Variants in SNX29 observed in about 807,000 individuals in gnomAD.
The protein encoded by SNX29 is sorting nexin 29.
SNX29 carries 78 observed loss-of-function variants against 102.1 expected under a neutral mutation model. The observed-to-expected ratio is 0.76, with a 90% CI of 0.64 to 0.92. The LOEUF (loss-of-function observed/expected upper bound fraction) is 0.92, where lower values mean the gene tolerates loss of function less well. SNX29 is among the 40% of genes least tolerant of loss of function. The probability of loss-of-function intolerance (pLI) is 0.00; values close to 1 mark genes in which losing one functional copy is unlikely to be tolerated. For synonymous variants in SNX29, 580 were observed against 414.5 expected (o/e 1.40, Z -4.85); for missense variants, 1,280 against 1,061.7 (o/e 1.21, Z -2.86).
intron 19 of SNX29, among the ~76,000 whole-genome samples, chr16:12,499,288 G>A (rs2088989291): frequency 6.6e-6 from 1 of 152,210 alleles, no homozygotes; most frequent in Non-Finnish European, 1.5e-5. Flanking sequence ...TGCCCCCAAT[G>A]CACTGATTTT....
At chr16:12,494,095 C>T (rs866008691) in intron 19 of SNX29, among the ~76,000 whole-genome samples, 5 of 152,224 alleles carry the variant, frequency 3.3e-5, no homozygotes, top group Admixed American at 2.0e-4. Context: ...AGATAGAGCT[C>T]CCAGTGCTAT....
At chr16:12,212,879 C>T (rs980424236) in intron 14 of SNX29, among the ~76,000 whole-genome samples, 10 of 152,100 alleles carry the variant, frequency 6.6e-5, no homozygotes, top group Non-Finnish European at 1.3e-4. Flanking sequence ...TTTGGGAGGC[C>T]GAGGTGGTTG....
chr16:12,507,493 A>T (rs1437093645), intron 19 of SNX29, among the ~76,000 whole-genome samples: 1 of 152,086 alleles, frequency 6.6e-6, no homozygotes, highest in Non-Finnish European at 1.5e-5. Context: ...TTTCTTGTTG[A>T]TGTTACTGTT....
chr16:12,254,499 G>A (rs983544187), intron 14 of SNX29, among the ~76,000 whole-genome samples: 2 of 152,126 alleles, frequency 1.3e-5, no homozygotes, highest in Non-Finnish European at 1.5e-5. Context: ...AAATGAGTCA[G>A]GCGTGGTGGT....
chr16:12,071,779 G>A (rs1007016147), intron 10 of SNX29, among the ~76,000 whole-genome samples: 2 of 152,086 alleles, frequency 1.3e-5, no homozygotes, highest in Non-Finnish European at 2.9e-5. Context: ...CCATTTTCAC[G>A]ATATTGATTC....
chr16:12,023,568 A>T (rs2057094060), intron 3 of SNX29, among the ~76,000 whole-genome samples: 1 of 148,174 alleles, frequency 6.7e-6, no homozygotes, highest in Non-Finnish European at 1.5e-5. Flanking sequence ...ACAGAGCAAG[A>T]CCCTGTCTCA....
chr16:12,008,006 C>T (rs1302258065), intron 3 of SNX29, among the ~76,000 whole-genome samples: 1 of 152,166 alleles, frequency 6.6e-6, no homozygotes, highest in Non-Finnish European at 1.5e-5. Flanking sequence ...TGCAGTGGCG[C>T]TATCTCGGCT....
chr16:12,356,538 C>G (rs559115758), intron 16 of SNX29, among the ~76,000 whole-genome samples: 5 of 152,328 alleles, frequency 3.3e-5, no homozygotes, highest in South Asian at 2.1e-4. Flanking sequence ...CCCCTCCCCC[C>G]GCAAACCCAT....
chr16:12,507,477 A>G (rs1310616546), intron 19 of SNX29, among the ~76,000 whole-genome samples: 1 of 151,814 alleles, frequency 6.6e-6, no homozygotes, highest in African/African-American at 2.4e-5. Context: ...TCAATGCCAG[A>G]CTCTGTTTCT....
At chr16:12,543,748 G>T (rs1270060986) in intron 20 of SNX29, among the ~76,000 whole-genome samples, 1 of 152,188 alleles carries the variant, frequency 6.6e-6, no homozygotes, top group Non-Finnish European at 1.5e-5. Context: ...GAGTTGACTG[G>T]GGGAGATTTT....
chr16:12,561,962 T>C (rs5018329), intron 20 of SNX29, among the ~76,000 whole-genome samples: 39,901 of 152,006 alleles, frequency 0.26, 5,838 homozygotes, highest in East Asian at 0.44. Context: ...GGGGGCATGA[T>C]GTCCCCAGAG....
At chr16:12,495,910 A>C (rs1412567234) in intron 19 of SNX29, among the ~76,000 whole-genome samples, 1 of 152,110 alleles carries the variant, frequency 6.6e-6, no homozygotes, top group East Asian at 1.9e-4. Context: ...AAAATTAGAC[A>C]GATACGGTGT....
chr16:12,408,437 C>G (rs2084262452), intron 18 of SNX29, among the ~76,000 whole-genome samples: 1 of 152,260 alleles, frequency 6.6e-6, no homozygotes. Flanking sequence ...AGTTGCTGGT[C>G]CACAATAACT....
rs1164894738 is a variant in SNX29 at position 12,569,467 on chromosome 16, G to A, written c.*838G>A. Reference sequence around the variant, plus strand: ...TTGGCCCTACAGTCATGAGAGACTTGGGTCAGGGAACCACTGCAGAAGGTT... The same window carrying A: ...TTGGCCCTACAGTCATGAGAGACTTAGGTCAGGGAACCACTGCAGAAGGTT... On this transcript the variant is annotated 3_prime_UTR_variant, in exon 21 of 21. Coordinates refer to ENST00000566228, the MANE Select transcript of SNX29 (RefSeq NM_032167.5). The A allele has an allele frequency of 2.2e-5, 5 of 231,406 alleles. No individual in the cohort carries two copies. In the East Asian group the frequency reaches 3.1e-4, roughly 14 times the overall value. The allele number at this position is 231,406 out of a possible 1,614,324, so 14.3% of individuals were successfully genotyped here.
chr16:12,117,086 CGTG>C (rs1291774874), intron 11 of SNX29, among the ~76,000 whole-genome samples: 1 of 127,658 alleles, frequency 7.8e-6, no homozygotes, highest in Non-Finnish European at 1.7e-5. Flanking sequence ...TGGAAACAGG[CGTG>C]GTCAATACGT....
At chr16:12,165,120 T>G (rs2055961229) in intron 13 of SNX29, among the ~76,000 whole-genome samples, 1 of 152,256 alleles carries the variant, frequency 6.6e-6, no homozygotes. Context: ...GCAGAACTTT[T>G]GGAGACATAC....
At chr16:11,990,326 A>G (rs980008600) in intron 1 of SNX29, among the ~76,000 whole-genome samples, 5 of 152,136 alleles carry the variant, frequency 3.3e-5, no homozygotes, top group Non-Finnish European at 7.3e-5. Context: ...GCTGTGAGGT[A>G]CTGTCTGCTA....
chr16:12,489,097 A>G lies in SNX29; in HGVS notation c.2178+11238A>G, dbSNP rs1011740663. Among the ~76,000 whole-genome samples, 4 of 152,180 alleles carry G rather than the reference A, an allele frequency of 2.6e-5. 1 individual carries two copies. Among genetic ancestry groups the G allele is most frequent in the Admixed American group, 2.0e-4 (3 of 15,278 alleles). Reference sequence around the variant, plus strand: ...ATCTGCTTTTGTTCCTCACATTTTCAGACAACTGATTAAAATCACAACTTA... The same window carrying G: ...ATCTGCTTTTGTTCCTCACATTTTCGGACAACTGATTAAAATCACAACTTA... On this transcript the variant is annotated intron_variant, in intron 19 of 20. Coordinates refer to ENST00000566228, the MANE Select transcript of SNX29 (RefSeq NM_032167.5).
chr16:12,171,977 T>C (rs2076159504), intron 13 of SNX29, among the ~76,000 whole-genome samples: 1 of 152,170 alleles, frequency 6.6e-6, no homozygotes, highest in South Asian at 2.1e-4. Context: ...CGGTGAGAAT[T>C]CTGAGATTGC....
Sources: gnomAD v4.1 joint callset for allele counts (sites outside exome capture counted in the v4.1 genomes callset) on GRCh38, gnomAD v4.1.1 for gene constraint, MANE v1.5 for transcripts, NCBI Gene and HGNC (gene_info 2026-07-23, HGNC 2026-07-21) for gene names.